Variants in TMEM132B observed in about 807,000 individuals in gnomAD.
TMEM132B encodes transmembrane protein 132B.
TMEM132B carries 18 observed loss-of-function variants against 90.8 expected under a neutral mutation model. The ratio of observed to expected loss-of-function variants is 0.20; its 90% confidence interval spans 0.14 to 0.29. The LOEUF (loss-of-function observed/expected upper bound fraction) is 0.29, where lower values mean the gene tolerates loss of function less well. Ranked by LOEUF, TMEM132B falls within the 10% of genes least tolerant of loss-of-function variation. The pLI is 1.00. For missense variants in TMEM132B, 1,096 were observed against 1,326.8 expected (o/e 0.83, Z 2.70); for synonymous variants, 504 against 523.3 (o/e 0.96, Z 0.50).
intron 6 of TMEM132B, among the ~76,000 whole-genome samples, chr12:125,645,939 TG>T (rs1886754858): frequency 1.3e-5 from 2 of 152,162 alleles, no homozygotes; most frequent in Non-Finnish European, 2.9e-5. Flanking sequence ...AGGAGCATCA[TG>T]GAAAAAGCCT....
rs1876383242 is a variant in TMEM132B at position 125,319,958 on chromosome 12, A to C, written c.68-29494A>C. Among the ~76,000 whole-genome samples, 3 of 152,100 alleles carry C rather than the reference A, an allele frequency of 2.0e-5. No individual in the cohort carries two copies. In the South Asian group the frequency reaches 6.2e-4, roughly 32 times the overall value. ...TTGCACCTGGGAGGTTGAGGGCTGC[A>C]GTGAGCCCTGATTGTGCCATTGCAC... On this transcript the variant is annotated intron_variant, in intron 1 of 8. Transcript: ENST00000682704.
intron 1 of TMEM132B, among the ~76,000 whole-genome samples, chr12:125,262,927 A>T (rs1454435764): frequency 6.6e-6 from 1 of 152,204 alleles, no homozygotes. Flanking sequence ...CACCTTGCAG[A>T]GCCTGGTGCC....
Position 125,246,912 on chromosome 12 carries a change from G to A in TMEM132B, c.67+60046G>A, listed in dbSNP as rs886140004. ...TTCCCACCGGGAGAGCCTGGGGTTT[G>A]TGGGGGAGGTGGTGGGGGTAGGGGC... On this transcript the variant is annotated intron_variant, in intron 1 of 8. Coordinates refer to ENST00000682704, the MANE Select transcript of TMEM132B (RefSeq NM_001366854.1). The surrounding 1 kb of genome is among the most constrained non-coding windows in gnomAD (Gnocchi z 4.2). Among the ~76,000 whole-genome samples, 1 of 152,046 alleles carries A rather than the reference G, an allele frequency of 6.6e-6. No homozygotes were observed. The highest frequency in any genetic ancestry group is 2.4e-5 in the African/African-American group (1 of 41,386).
chr12:125,647,868 C>T (rs1164539854), intron 6 of TMEM132B, among the ~76,000 whole-genome samples: 1 of 148,056 alleles, frequency 6.8e-6, no homozygotes, highest in Non-Finnish European at 1.5e-5. Context: ...TTAGGATAGA[C>T]AGAAAAACAT....
chr12:125,190,308 G>A (rs569568765), intron 1 of TMEM132B, among the ~76,000 whole-genome samples: 1 of 152,274 alleles, frequency 6.6e-6, no homozygotes, highest in Admixed American at 6.5e-5. Flanking sequence ...AATGACAGCC[G>A]CCTGGCCTGG....
intron 2 of TMEM132B, among the ~76,000 whole-genome samples, chr12:125,375,189 T>C (rs1377563455): frequency 6.6e-6 from 1 of 152,220 alleles, no homozygotes; most frequent in African/African-American, 2.4e-5. Context: ...ATATGAATAA[T>C]CCAGCTCATT....
intron 3 of TMEM132B, among the ~76,000 whole-genome samples, chr12:125,514,831 A>G (rs1365121482): frequency 1.3e-5 from 2 of 152,098 alleles, no homozygotes; most frequent in Admixed American, 1.3e-4. Flanking sequence ...TCCTGGGGAC[A>G]CACTGCTGGG....
At chr12:125,242,565 T>C (rs1313470534) in intron 1 of TMEM132B, among the ~76,000 whole-genome samples, 1 of 152,218 alleles carries the variant, frequency 6.6e-6, no homozygotes, top group African/African-American at 2.4e-5. Context: ...ATGCAAAGCC[T>C]GAGGACATCC....
At chr12:125,310,385 C>T (rs1224629461) in intron 1 of TMEM132B, among the ~76,000 whole-genome samples, 1 of 152,198 alleles carries the variant, frequency 6.6e-6, no homozygotes, top group African/African-American at 2.4e-5. Context: ...TTGAGGGCTC[C>T]TGTTTGCTAG....
intron 1 of TMEM132B, among the ~76,000 whole-genome samples, chr12:125,203,765 T>A (rs372120407): frequency 6.6e-6 from 1 of 152,354 alleles, no homozygotes; most frequent in East Asian, 1.9e-4. Flanking sequence ...ATACTAGAAT[T>A]TCTCATAGGT....
chr12:125,328,643 T>C (rs909569207), intron 1 of TMEM132B, among the ~76,000 whole-genome samples: 1 of 152,176 alleles, frequency 6.6e-6, no homozygotes, highest in Non-Finnish European at 1.5e-5. Context: ...CTCTTCTGCT[T>C]CTAAGGTCAC....
At chr12:125,527,562 A>G (rs1883522996) in intron 4 of TMEM132B, among the ~76,000 whole-genome samples, 1 of 128,514 alleles carries the variant, frequency 7.8e-6, no homozygotes, top group African/African-American at 3.3e-5. Context: ...CCTTCCATCC[A>G]CCCATCCACC....
At chr12:125,296,911 C>T (rs931732230) in intron 1 of TMEM132B, among the ~76,000 whole-genome samples, 6 of 152,328 alleles carry the variant, frequency 3.9e-5, no homozygotes, top group East Asian at 1.9e-4. Context: ...ATCTCTTAAC[C>T]GTGCACAGGA....
chr12:125,515,429 T>A (rs547246372), intron 3 of TMEM132B, among the ~76,000 whole-genome samples: 1,965 of 118,362 alleles, frequency 0.017, 34 homozygotes, highest in African/African-American at 0.068. Flanking sequence ...TCACACACTC[T>A]CACACATACA....
At chr12:125,187,301 C>T (rs1957765913) in intron 1 of TMEM132B, among the ~76,000 whole-genome samples, 1 of 152,196 alleles carries the variant, frequency 6.6e-6, no homozygotes, top group African/African-American at 2.4e-5. Flanking sequence ...GGTGCGTTCC[C>T]GGGACACCTG....
At chr12:125,430,614 T>A (rs547504780) in intron 3 of TMEM132B, among the ~76,000 whole-genome samples, 276 of 152,264 alleles carry the variant, frequency 1.8e-3, no homozygotes, top group African/African-American at 6.3e-3. Context: ...CAGCCGAGCT[T>A]GAACCAGGTC....
chr12:125,633,485 A>T (rs145534197), intron 5 of TMEM132B, among the ~76,000 whole-genome samples: 1 of 152,332 alleles, frequency 6.6e-6, no homozygotes, highest in Non-Finnish European at 1.5e-5. Flanking sequence ...ATACTTGTAG[A>T]TGTTTAAATG....
intron 1 of TMEM132B, among the ~76,000 whole-genome samples, chr12:125,337,822 A>G (rs558312710): frequency 1.3e-5 from 2 of 152,334 alleles, no homozygotes; most frequent in East Asian, 1.9e-4. Context: ...CGAAATTAAA[A>G]TGGTACAGAA....
chr12:125,304,509 C>T (rs539012010), intron 1 of TMEM132B, among the ~76,000 whole-genome samples: 1 of 151,834 alleles, frequency 6.6e-6, no homozygotes, highest in Non-Finnish European at 1.5e-5. Context: ...GAAGATTTTG[C>T]CCTTAGGTTT....
Sources: gnomAD v4.1 joint callset for allele counts (sites outside exome capture counted in the v4.1 genomes callset) on GRCh38, gnomAD v4.1.1 for gene constraint, Gnocchi (gnomAD v3.1) non-coding constraint, MANE v1.5 for transcripts, NCBI Gene and HGNC (gene_info 2026-07-23, HGNC 2026-07-21) for gene names.